PAK5: variants seen among roughly 807,000 people sequenced by gnomAD.
PAK5 encodes serine/threonine-protein kinase PAK 5.
PAK5 carries 16 observed loss-of-function variants against 65.9 expected under a neutral mutation model. The observed-to-expected ratio is 0.24, with a 90% CI of 0.16 to 0.37. PAK5 has a LOEUF of 0.37. PAK5 is among the 10% of genes least tolerant of loss of function. PAK5 has a pLI of 1.00. For synonymous variants in PAK5, 371 were observed against 354.9 expected (o/e 1.05, Z -0.51); for missense variants, 785 against 903.9 (o/e 0.87, Z 1.69).
At chr20:9,626,981 C>T (rs1314513921) in intron 3 of PAK5, among the ~76,000 whole-genome samples, 2 of 152,066 alleles carry the variant, frequency 1.3e-5, no homozygotes, top group African/African-American at 4.8e-5. Context: ...AAAAAAAAGA[C>T]AGGTCTTTAT....
intron 1 of PAK5, among the ~76,000 whole-genome samples, chr20:9,772,239 A>G (rs1340757085): frequency 6.6e-6 from 1 of 152,200 alleles, no homozygotes; most frequent in Admixed American, 6.5e-5. Flanking sequence ...TATGACCAAG[A>G]GATTAGTGGT....
chr20:9,543,188 G>T (rs971262016), intron 8 of PAK5, among the ~76,000 whole-genome samples: 8 of 152,152 alleles, frequency 5.3e-5, no homozygotes, highest in African/African-American at 1.9e-4. Context: ...TTTAAAAATA[G>T]CTCTTTTCTC....
chr20:9,827,608 G>C (rs925275299), intron 1 of PAK5, among the ~76,000 whole-genome samples: 1 of 152,018 alleles, frequency 6.6e-6, no homozygotes, highest in African/African-American at 2.4e-5. Flanking sequence ...GAACCATGTG[G>C]GAGGATTTTG....
At chr20:9,581,238 C>A (rs995184543) in intron 3 of PAK5, among the ~76,000 whole-genome samples, 1 of 152,160 alleles carries the variant, frequency 6.6e-6, no homozygotes, top group African/African-American at 2.4e-5. Flanking sequence ...AGGCAAATCC[C>A]TTCCCCCTAC....
chr20:9,604,394 G>A (rs1355622028), intron 3 of PAK5, among the ~76,000 whole-genome samples: 3 of 152,206 alleles, frequency 2.0e-5, no homozygotes, highest in Admixed American at 2.0e-4. Flanking sequence ...AAAACCCCAT[G>A]TCTCATTTTC....
rs112120320 is a variant in PAK5 at position 9,594,868 on chromosome 20, C to T, written c.205-13938G>A. 5.6e-3 allele frequency among the ~76,000 whole-genome samples: 859 copies of T among 152,200 alleles called. 17 individuals are homozygous for T. The highest frequency in any genetic ancestry group is 0.02 in the African/African-American group (820 of 41,504). ...ATTTGCCTTTGATTTAGTCTTTACTCCTAAGGTCCCCTTTTCATGATCCAA... is the reference window on the plus strand; with the variant it reads ...ATTTGCCTTTGATTTAGTCTTTACTTCTAAGGTCCCCTTTTCATGATCCAA... On this transcript the variant is annotated intron_variant, in intron 3 of 9. Transcript: ENST00000353224.
intron 7 of PAK5, 148 bp downstream of exon 7, chr20:9,557,460 T>G (rs1283953036): frequency 1.7e-6 from 1 of 578,836 alleles, no homozygotes; most frequent in Non-Finnish European, 2.9e-6. Context: ...GATGGTAATT[T>G]CTTTTTTGTA....
At position 9,617,549 on chromosome 20, in the gene PAK5, C is replaced by CTTTTT. The variant is rs532259417; in HGVS notation, c.204+26571_204+26575dup. ...GGGATGAGACCCAAGAATCCCAATC[C>CTTTTT]TTTTTTTTTTTTTTTTTTTTTTTTG... On this transcript the variant is annotated intron_variant, in intron 3 of 9. Coordinates refer to ENST00000353224, the MANE Select transcript of PAK5 (RefSeq NM_177990.4). 7.9e-4 allele frequency among the ~76,000 whole-genome samples: 75 copies of CTTTTT among 94,608 alleles called. 3 individuals carry two copies. Among genetic ancestry groups the CTTTTT allele is most frequent in the African/African-American group, 2.0e-3 (55 of 27,348 alleles). The allele number at this position is 94,608 out of a possible 152,430, so 62.1% of individuals were successfully genotyped here.
At chr20:9,576,312 G>A (rs543518151) in intron 4 of PAK5, among the ~76,000 whole-genome samples, 6 of 152,248 alleles carry the variant, frequency 3.9e-5, no homozygotes, top group Non-Finnish European at 5.9e-5. Context: ...CTGCCAAAAC[G>A]TGCTTGATAA....
chr20:9,759,191 A>G (rs186515581), intron 1 of PAK5, among the ~76,000 whole-genome samples: 4 of 152,308 alleles, frequency 2.6e-5, no homozygotes, highest in South Asian at 4.2e-4. Flanking sequence ...GTAGCAAGTT[A>G]TATAAGATGA....
At chr20:9,811,936 C>T (rs577564950) in intron 1 of PAK5, among the ~76,000 whole-genome samples, 4 of 152,222 alleles carry the variant, frequency 2.6e-5, no homozygotes, top group African/African-American at 9.6e-5. Flanking sequence ...CTCCATCCAC[C>T]TCAGTTTCCT....
At chr20:9,782,064 C>T (rs1012055599) in intron 1 of PAK5, among the ~76,000 whole-genome samples, 49 of 152,086 alleles carry the variant, frequency 3.2e-4, no homozygotes, top group African/African-American at 1.2e-3. Flanking sequence ...TACTCCCCAC[C>T]TCCCTTTCTC....
intron 1 of PAK5, among the ~76,000 whole-genome samples, chr20:9,818,496 T>C (rs6039594): frequency 0.42 from 63,654 of 151,938 alleles, 13,461 homozygotes; most frequent in Admixed American, 0.5. Context: ...CACCCTCCAT[T>C]AACATGGGAA....
intron 1 of PAK5, among the ~76,000 whole-genome samples, chr20:9,744,002 T>G (rs1233742189): frequency 2.0e-5 from 3 of 152,138 alleles, no homozygotes; most frequent in Admixed American, 2.0e-4. Context: ...GATAGCAATG[T>G]GAAGAGAGGG....
chr20:9,823,139 C>G (rs1413574778), intron 1 of PAK5, among the ~76,000 whole-genome samples: 1 of 152,148 alleles, frequency 6.6e-6, no homozygotes, highest in Non-Finnish European at 1.5e-5. Context: ...CCCTTTTTTA[C>G]CCTTCTGCCA....
intron 4 of PAK5, among the ~76,000 whole-genome samples, chr20:9,577,124 G>A (rs2045897879): frequency 6.6e-6 from 1 of 152,172 alleles, no homozygotes; most frequent in Admixed American, 6.5e-5. Flanking sequence ...TCATAATTTT[G>A]TGGTGGGTAT....
At chr20:9,752,138 T>C (rs991205199) in intron 1 of PAK5, among the ~76,000 whole-genome samples, 3 of 152,058 alleles carry the variant, frequency 2.0e-5, no homozygotes. Context: ...CATAGGTGAC[T>C]AAGGAAGATG....
At chr20:9,769,023 C>T (rs2048804106) in intron 1 of PAK5, among the ~76,000 whole-genome samples, 1 of 152,148 alleles carries the variant, frequency 6.6e-6, no homozygotes, top group Non-Finnish European at 1.5e-5. Flanking sequence ...AAGGACTATG[C>T]CTCCCTAACT....
chr20:9,716,802 G>A (rs1390295742), intron 1 of PAK5, among the ~76,000 whole-genome samples: 1 of 152,030 alleles, frequency 6.6e-6, no homozygotes, highest in South Asian at 2.1e-4. Context: ...GCAATCTGGG[G>A]GCCAGGTGTG....
Sources: allele counts gnomAD v4.1 joint callset (sites outside exome capture counted in the v4.1 genomes callset), GRCh38; gene constraint gnomAD v4.1.1; transcripts MANE v1.5; gene names NCBI Gene and HGNC (gene_info 2026-07-23, HGNC 2026-07-21).